Variants in NSUN2 observed in about 807,000 individuals in gnomAD.
The protein encoded by NSUN2 is NOP2/Sun RNA methyltransferase 2.
NSUN2 carries 63 observed loss-of-function variants against 92.7 expected under a neutral mutation model. The observed-to-expected ratio is 0.68, with a 90% CI of 0.56 to 0.84. NSUN2 has a LOEUF of 0.84. NSUN2 is among the 40% of genes least tolerant of loss of function. The pLI, the probability that NSUN2 is intolerant of heterozygous loss-of-function variation, is 0.00. For synonymous variants in NSUN2, 356 were observed against 348.3 expected (o/e 1.02, Z -0.25); for missense variants, 989 against 964.9 (o/e 1.02, Z -0.33).
Position 6,616,755 on chromosome 5 carries a change from G to T in NSUN2, c.993C>A (p.Val331=). The part of the protein sequence containing the change: ...CSLNPIEDEA[V]IASLLEKSEG... ...CACTTTTTTCCAGTAAAGATGCTATGACTGCTTCATCCTCAATAGGGTTTA... is the reference window on the plus strand; with the variant it reads ...CACTTTTTTCCAGTAAAGATGCTATTACTGCTTCATCCTCAATAGGGTTTA... Residue 331 remains valine (V), a synonymous_variant, in exon 9 of 19, where the codon GTC becomes GTA. Transcript: ENST00000264670. The T allele has an allele frequency of 6.7e-7, 1 of 1,498,534 alleles. No homozygotes were observed. The highest frequency in any genetic ancestry group is 1.2e-5 in the South Asian group (1 of 86,144). 92.8% of individuals were successfully genotyped at this position (1,498,534 alleles called of 1,614,324 possible).
intron 1 of NSUN2, 51 bp from the exon 2 acceptor site, chr5:6,632,807 G>A: frequency 6.3e-7 from 1 of 1,582,330 alleles, no homozygotes; most frequent in East Asian, 2.3e-5. Context: ...CCGCCCCCTC[G>A]CCGCCGCCTC....
Position 6,620,175 on chromosome 5 carries a change from A to G in NSUN2, c.746T>C (p.Leu249Pro), listed in dbSNP as rs1208970748. The change falls in exon 7 of 19, where the codon CTC becomes CCC. Residue 249 changes from leucine (L) to proline (P), a missense_variant. Transcript: ENST00000264670. ...TTTCCTGCCGTCCACATCTATCTGG[A>G]GCCTGGGTATGCTGGAGGCATCATG... Reference protein sequence around the residue: ...VNHDASSIPRLQIDVDGRKEI... With the variant: ...VNHDASSIPRPQIDVDGRKEI... 1 of 1,613,008 alleles carries G rather than the reference A, an allele frequency of 6.2e-7. No homozygotes were observed. Among genetic ancestry groups the G allele is most frequent in the Non-Finnish European group, 8.5e-7 (1 of 1,179,650 alleles).
At chr5:6,615,818 G>A (rs1160847556) in intron 9 of NSUN2, among the ~76,000 whole-genome samples, 1 of 152,188 alleles carries the variant, frequency 6.6e-6, no homozygotes, top group Non-Finnish European at 1.5e-5. Context: ...AAATATGATG[G>A]GAAAAGTTAA....
Position 6,632,450 on chromosome 5 carries a change from T to C in NSUN2, c.254+149A>G, listed in dbSNP as rs576736047. ...CCTCCGTGACCATTTCATTGGACCCTGTGCTCCCCACCTCAATGCTTCCTG... is the reference window on the plus strand; with the variant it reads ...CCTCCGTGACCATTTCATTGGACCCCGTGCTCCCCACCTCAATGCTTCCTG... On this transcript the variant is annotated intron_variant, in intron 2 of 18. Coordinates refer to ENST00000264670, the MANE Select transcript of NSUN2 (RefSeq NM_017755.6). 3 of 860,064 alleles carry C rather than the reference T, an allele frequency of 3.5e-6. No homozygotes were observed. In the African/African-American group the frequency reaches 5.0e-5, roughly 14 times the overall value. The allele number at this position is 860,064 out of a possible 1,614,324, so 53.3% of individuals were successfully genotyped here. A position where few individuals can be genotyped will look rare whatever the true frequency, so the allele number is the denominator to read the frequency against.
At position 6,599,528 on chromosome 5, in the gene NSUN2, G is replaced by A. The variant is rs1201656678; in HGVS notation, c.*398C>T. 4 of 161,092 alleles carry A rather than the reference G, an allele frequency of 2.5e-5. No individual in the cohort carries two copies. Among genetic ancestry groups the A allele is most frequent in the Non-Finnish European group, 1.4e-5 (1 of 73,570 alleles). The allele number at this position is 161,092 out of a possible 1,614,324, so 10.0% of individuals were successfully genotyped here. On this transcript the variant is annotated 3_prime_UTR_variant, in exon 19 of 19. Coordinates refer to ENST00000264670, the MANE Select transcript of NSUN2 (RefSeq NM_017755.6). ...TAACACACTTCCCCAAGAATTTATA[G>A]ATTCTTTCTATAAATAATAATTTAA... is the stretch of plus-strand genomic sequence containing the variant.
chr5:6,600,049 C>T lies in NSUN2; in HGVS notation c.2181G>A (p.Gln727=), dbSNP rs972160944. 1.2e-6 allele frequency: 2 copies of T among 1,614,144 alleles called. No homozygotes were observed. Among genetic ancestry groups the T allele is most frequent in the African/African-American group, 1.3e-5 (1 of 74,942 alleles). The change falls in exon 19 of 19, where the codon CAG becomes CAA. Residue 727 remains glutamine (Q), a synonymous_variant. Coordinates refer to ENST00000264670, the MANE Select transcript of NSUN2 (RefSeq NM_017755.6). ...GTCCCTCAGTCACGTCATTGTCTGG[C>T]TGTCCGGTGCTGGCTGCACTCTCAT... ...LTNESAASTG[Q]PDNDVTEGQR... is the part of the protein sequence containing the mutation.
At chr5:6,624,119 T>C (rs1477350017) in intron 4 of NSUN2, among the ~76,000 whole-genome samples, 1 of 152,232 alleles carries the variant, frequency 6.6e-6, no homozygotes, top group Non-Finnish European at 1.5e-5. Context: ...TGATGGCTGC[T>C]AATTTTCACC....
intron 3 of NSUN2, among the ~76,000 whole-genome samples, chr5:6,630,864 G>C (rs184099025): frequency 6.6e-6 from 1 of 152,202 alleles, no homozygotes; most frequent in Non-Finnish European, 1.5e-5. Flanking sequence ...GGAGGCCGAG[G>C]TGGGCGGATC....
intron 17 of NSUN2, among the ~76,000 whole-genome samples, chr5:6,603,675 G>A (rs1410906276): frequency 1.3e-5 from 2 of 152,218 alleles, no homozygotes. Context: ...GGGTGACAGA[G>A]CGAGACTCTG....
intron 3 of NSUN2, among the ~76,000 whole-genome samples, chr5:6,629,369 C>T (rs1406461332): frequency 1.3e-5 from 2 of 152,168 alleles, no homozygotes; most frequent in Non-Finnish European, 2.9e-5. Context: ...ACTAGCAAGC[C>T]TTATTGACAT....
At chr5:6,615,392 A>G (rs1737168810) in intron 9 of NSUN2, among the ~76,000 whole-genome samples, 1 of 152,204 alleles carries the variant, frequency 6.6e-6, no homozygotes, top group Non-Finnish European at 1.5e-5. Flanking sequence ...AACAGTCCTA[A>G]CAACTGACCC....
At chr5:6,631,464 G>A (rs1737889380) in intron 3 of NSUN2, among the ~76,000 whole-genome samples, 1 of 152,172 alleles carries the variant, frequency 6.6e-6, no homozygotes, top group Non-Finnish European at 1.5e-5. Context: ...AGCAGACAGT[G>A]GTAACCTGTC....
chr5:6,608,368 T>C (rs1490010750), intron 12 of NSUN2, among the ~76,000 whole-genome samples: 1 of 152,166 alleles, frequency 6.6e-6, no homozygotes, highest in Admixed American at 6.5e-5. Flanking sequence ...CAGTGTGAGC[T>C]TCCCTGGCCT....
At chr5:6,605,669 T>C (rs1053212934) in intron 14 of NSUN2, among the ~76,000 whole-genome samples, 4 of 152,024 alleles carry the variant, frequency 2.6e-5, no homozygotes, top group African/African-American at 9.7e-5. Flanking sequence ...GCTACTCCAA[T>C]GATAATGACC....
At chr5:6,605,446 T>G in intron 14 of NSUN2, 38 bp from the exon 15 acceptor site, 1 of 1,605,082 alleles carries the variant, frequency 6.2e-7, no homozygotes, top group South Asian at 1.1e-5. Context: ...CACAATGAGT[T>G]CAAAATCTGG....
At position 6,632,955 on chromosome 5, in the gene NSUN2, G is replaced by A. The variant is rs1200326805; in HGVS notation, c.25C>T (p.Arg9Trp). Residue 9 changes from arginine (R) to tryptophan (W), a missense_variant, in exon 1 of 19, where the codon CGG becomes TGG. Arg to Trp is a moderately radical substitution (Grantham distance 101). Coordinates refer to ENST00000264670, the MANE Select transcript of NSUN2 (RefSeq NM_017755.6). MGRRSRGR[R>W]LQQQQRPEDA... ...TCCGGCCGCTGCTGTTGCTGGAGCC[G>A]CCGACCCCGCGACCGCCGCCCCATA... 3.3e-6 allele frequency: 5 copies of A among 1,495,644 alleles called. No homozygotes were observed. The South Asian group carries it at 3.8e-5, about 11-fold the overall frequency. 92.6% of individuals were successfully genotyped at this position (1,495,644 alleles called of 1,614,324 possible).
intron 9 of NSUN2, among the ~76,000 whole-genome samples, chr5:6,616,094 C>T (rs979617527): frequency 4.6e-5 from 7 of 152,142 alleles, no homozygotes; most frequent in Non-Finnish European, 7.4e-5. Flanking sequence ...GGTGGGGTCC[C>T]CCCAAAATTA....
intron 3 of NSUN2, among the ~76,000 whole-genome samples, chr5:6,631,076 AGAGT>A (rs1404144624): frequency 6.6e-6 from 1 of 152,220 alleles, no homozygotes; most frequent in Non-Finnish European, 1.5e-5. Context: ...CCTGGGCGAC[AGAGT>A]GAGACTCCGT....
At chr5:6,632,213 G>A (rs913705158) in intron 2 of NSUN2, among the ~76,000 whole-genome samples, 1 of 149,424 alleles carries the variant, frequency 6.7e-6, no homozygotes, top group African/African-American at 2.5e-5. Flanking sequence ...CTACCGTTAA[G>A]TTTTACTTGC....
Sources: allele counts gnomAD v4.1 joint callset (sites outside exome capture counted in the v4.1 genomes callset), GRCh38; gene constraint gnomAD v4.1.1; transcripts MANE v1.5; gene names NCBI Gene and HGNC (gene_info 2026-07-23, HGNC 2026-07-21).